Variants in DCC observed in about 807,000 individuals in gnomAD.
DCC encodes netrin receptor DCC.
In DCC, 58 loss-of-function variants were observed where a neutral mutation model predicts 172.5. The observed-to-expected ratio is 0.34, with a 90% CI of 0.27 to 0.42. The LOEUF is 0.42. Among genes scored for constraint, DCC ranks in the 10% least tolerant of loss-of-function variants. DCC has a pLI of 1.00. For synonymous variants in DCC, 709 were observed against 644.5 expected, an observed-to-expected ratio of 1.10 and a Z score of -1.52; for missense variants, 1,740 against 1,791.0, an observed-to-expected ratio of 0.97 and a Z score of 0.51.
chr18:53,054,907 C>T (rs2042383342), intron 5 of DCC, among the ~76,000 whole-genome samples: 1 of 152,032 alleles, frequency 6.6e-6, no homozygotes, highest in Admixed American at 6.6e-5. Flanking sequence ...ATTGTCATTG[C>T]CAATGATAGC....
chr18:52,776,935 T>G (rs76926243), intron 2 of DCC, among the ~76,000 whole-genome samples: 6,920 of 152,246 alleles, frequency 0.045, 235 homozygotes, highest in South Asian at 0.16. Context: ...TAACCACGTA[T>G]CCAAGAGGAG....
intron 5 of DCC, among the ~76,000 whole-genome samples, chr18:53,035,731 C>A (rs143722107): frequency 6.6e-6 from 1 of 152,048 alleles, no homozygotes; most frequent in East Asian, 1.9e-4. Context: ...TAGTTGGCAG[C>A]CTTTATAGAC....
At chr18:52,587,846 G>A (rs563133641) in intron 1 of DCC, among the ~76,000 whole-genome samples, 1 of 152,322 alleles carries the variant, frequency 6.6e-6, no homozygotes, top group East Asian at 1.9e-4. Context: ...AACTCCCCAT[G>A]AGGCCATTGG....
At chr18:52,414,173 T>A (rs1222937) in intron 1 of DCC, among the ~76,000 whole-genome samples, 16 of 152,020 alleles carry the variant, frequency 1.1e-4, no homozygotes, top group African/African-American at 3.9e-4. Flanking sequence ...CTCCACCTCC[T>A]GGGTTCAAGT....
At chr18:53,197,619 C>T (rs914419609) in intron 9 of DCC, among the ~76,000 whole-genome samples, 1 of 151,826 alleles carries the variant, frequency 6.6e-6, no homozygotes, top group African/African-American at 2.4e-5. Context: ...ACATCAGCCT[C>T]GTTCAGTATT....
intron 13 of DCC, among the ~76,000 whole-genome samples, chr18:53,319,506 T>A (rs1311658322): frequency 1.3e-5 from 2 of 152,122 alleles, no homozygotes; most frequent in African/African-American, 4.8e-5. Context: ...GCCACAAAGA[T>A]CTAAATTGCT....
At chr18:52,870,023 C>T (rs922793877) in intron 2 of DCC, among the ~76,000 whole-genome samples, 4 of 152,010 alleles carry the variant, frequency 2.6e-5, no homozygotes, top group Admixed American at 6.6e-5. Context: ...CCTTTCTGTC[C>T]GCTCCTCCAA....
At chr18:52,512,707 G>T (rs1048509797) in intron 1 of DCC, among the ~76,000 whole-genome samples, 5 of 152,044 alleles carry the variant, frequency 3.3e-5, no homozygotes, top group African/African-American at 1.2e-4. Context: ...GGATACAGAT[G>T]GTGAACTAGT....
intron 12 of DCC, among the ~76,000 whole-genome samples, chr18:53,220,881 G>A (rs1349049959): frequency 2.6e-5 from 4 of 152,092 alleles, no homozygotes; most frequent in African/African-American, 9.6e-5. Context: ...GGGAGTAGGA[G>A]CATAATTGTA....
intron 1 of DCC, among the ~76,000 whole-genome samples, chr18:52,395,237 A>C (rs977980764): frequency 6.6e-6 from 1 of 152,048 alleles, no homozygotes; most frequent in Non-Finnish European, 1.5e-5. Context: ...TTTAGATTGA[A>C]ATTTACTATT....
chr18:52,359,396 G>A (rs1424134994), intron 1 of DCC, among the ~76,000 whole-genome samples: 1 of 152,164 alleles, frequency 6.6e-6, no homozygotes, highest in Non-Finnish European at 1.5e-5. Flanking sequence ...ATTTTAAGTA[G>A]CAATGTGCTA....
At chr18:52,429,153 T>C (rs924925872) in intron 1 of DCC, among the ~76,000 whole-genome samples, 2 of 152,102 alleles carry the variant, frequency 1.3e-5, no homozygotes, top group Admixed American at 1.3e-4. Context: ...ATTTATTGAG[T>C]GTCTGTTAAG....
At chr18:52,836,301 A>G (rs2038703774) in intron 2 of DCC, among the ~76,000 whole-genome samples, 2 of 152,206 alleles carry the variant, frequency 1.3e-5, no homozygotes, top group South Asian at 4.1e-4. Flanking sequence ...CTCACAATTC[A>G]AAACACAATC....
intron 1 of DCC, among the ~76,000 whole-genome samples, chr18:52,595,601 A>G (rs570707718): frequency 6.6e-6 from 1 of 152,242 alleles, no homozygotes; most frequent in Admixed American, 6.5e-5. Flanking sequence ...CCCCTGTGTA[A>G]CCCTTCACTT....
At chr18:52,720,955 T>C (rs371998965) in intron 1 of DCC, among the ~76,000 whole-genome samples, 5 of 152,176 alleles carry the variant, frequency 3.3e-5, no homozygotes, top group African/African-American at 1.2e-4. Context: ...AAGAATCACA[T>C]TGTCTTCCCA....
intron 1 of DCC, among the ~76,000 whole-genome samples, chr18:52,709,014 G>C (rs1409188061): frequency 1.3e-5 from 2 of 152,132 alleles, no homozygotes; most frequent in Non-Finnish European, 2.9e-5. Context: ...TTAGGGTTCA[G>C]TTTATTTCTG....
intron 5 of DCC, among the ~76,000 whole-genome samples, chr18:53,000,437 A>G (rs1466647384): frequency 6.6e-6 from 1 of 151,886 alleles, no homozygotes; most frequent in Non-Finnish European, 1.5e-5. Flanking sequence ...CTGCAATTAT[A>G]CGTAAAACTT....
At chr18:52,693,681 G>A (rs74319316) in intron 1 of DCC, among the ~76,000 whole-genome samples, 13 of 151,966 alleles carry the variant, frequency 8.6e-5, no homozygotes, top group Non-Finnish European at 1.8e-4. Context: ...GAAAGTATGA[G>A]ATGAGCCAAG....
At chr18:53,182,365 C>T (rs1004792849) in intron 9 of DCC, among the ~76,000 whole-genome samples, 8 of 152,108 alleles carry the variant, frequency 5.3e-5, no homozygotes, top group Non-Finnish European at 1.0e-4. Context: ...ATAAGGATAC[C>T]TTTGCAGATC....
Sources: allele counts gnomAD v4.1 joint callset (sites outside exome capture counted in the v4.1 genomes callset), GRCh38; gene constraint gnomAD v4.1.1; transcripts MANE v1.5; gene names NCBI Gene and HGNC (gene_info 2026-07-23, HGNC 2026-07-21).